ST3GAL3: variants seen among roughly 807,000 people sequenced by gnomAD.
ST3GAL3 encodes the protein ST3 beta-galactoside alpha-2,3-sialyltransferase 3.
A neutral mutation model predicts 50.1 loss-of-function variants in ST3GAL3; 21 were observed. The observed-to-expected ratio is 0.42, with a 90% CI of 0.30 to 0.60. The LOEUF is 0.60. Among genes scored for constraint, ST3GAL3 ranks in the 20% least tolerant of loss-of-function variants. The pLI is 0.19. For missense variants in ST3GAL3, 353 were observed against 489.4 expected (o/e 0.72, Z 2.63); for synonymous variants, 183 against 190.0 (o/e 0.96, Z 0.30).
chr1:43,863,148 G>T (rs2070432466), intron 5 of ST3GAL3, among the ~76,000 whole-genome samples: 1 of 152,212 alleles, frequency 6.6e-6, no homozygotes, highest in Non-Finnish European at 1.5e-5. Flanking sequence ...CTGTCTGGGG[G>T]AAGTAAATTG....
chr1:43,771,223 A>C (rs1046684469), intron 2 of ST3GAL3, among the ~76,000 whole-genome samples: 5 of 152,246 alleles, frequency 3.3e-5, no homozygotes, highest in South Asian at 2.1e-4. Context: ...TTTATATTCA[A>C]ATTGAGTGTC....
intron 3 of ST3GAL3, among the ~76,000 whole-genome samples, chr1:43,796,790 G>A (rs1005216593): frequency 3.9e-5 from 6 of 152,176 alleles, no homozygotes; most frequent in Non-Finnish European, 7.4e-5. Context: ...ACAGATGTTT[G>A]AATAATCTAA....
At chr1:43,897,721 G>A (rs538741473) in intron 6 of ST3GAL3, among the ~76,000 whole-genome samples, 1 of 152,292 alleles carries the variant, frequency 6.6e-6, no homozygotes, top group African/African-American at 2.4e-5. Context: ...AATGTGAGAG[G>A]GAGGAAGTGA....
At chr1:43,924,518 G>A (rs1389527999) in intron 11 of ST3GAL3, among the ~76,000 whole-genome samples, 1 of 152,228 alleles carries the variant, frequency 6.6e-6, no homozygotes, top group African/African-American at 2.4e-5. Flanking sequence ...TATTTAGAAG[G>A]CAGTGGGGAG....
intron 11 of ST3GAL3, among the ~76,000 whole-genome samples, chr1:43,926,879 G>A (rs1285128859): frequency 1.3e-5 from 2 of 152,108 alleles, no homozygotes; most frequent in African/African-American, 4.8e-5. Context: ...AGCATATTAC[G>A]AGTACAGAGG....
intron 2 of ST3GAL3, among the ~76,000 whole-genome samples, chr1:43,740,893 AAAGGGAGCGAGG>A (rs1164855660): frequency 3.3e-4 from 50 of 150,036 alleles, no homozygotes; most frequent in South Asian, 2.6e-3. Flanking sequence ...AGAGACAGAG[AAAGGGAGCGAGG>A]AAGGGAGGGA....
intron 3 of ST3GAL3, among the ~76,000 whole-genome samples, chr1:43,811,046 A>G (rs975357104): frequency 1.3e-5 from 2 of 152,206 alleles, no homozygotes. Flanking sequence ...GTCAAGGATC[A>G]TCACAGACAT....
intron 11 of ST3GAL3, among the ~76,000 whole-genome samples, chr1:43,923,278 A>T (rs1000345666): frequency 6.6e-6 from 1 of 151,850 alleles, no homozygotes; most frequent in Non-Finnish European, 1.5e-5. Context: ...AAAAAAAAAA[A>T]AAAGCACTAG....
chr1:43,885,721 A>T (rs1570666157), intron 5 of ST3GAL3, among the ~76,000 whole-genome samples: 1 of 152,134 alleles, frequency 6.6e-6, no homozygotes, highest in African/African-American at 2.4e-5. Context: ...CCCCACCCCG[A>T]CATTTCCTGT....
At chr1:43,848,294 C>CTTT (rs58438507) in intron 5 of ST3GAL3, among the ~76,000 whole-genome samples, 1,604 of 70,228 alleles carry the variant, frequency 0.023, 48 homozygotes, top group African/African-American at 0.043. Context: ...TTGTGGTTTT[C>CTTT]TTTTTTTTTT....
At chr1:43,722,488 A>G (rs533858587) in intron 1 of ST3GAL3, among the ~76,000 whole-genome samples, 19 of 152,304 alleles carry the variant, frequency 1.2e-4, no homozygotes, top group African/African-American at 4.6e-4. Context: ...GAGTGAAATA[A>G]TCCTATCACA....
intron 5 of ST3GAL3, among the ~76,000 whole-genome samples, chr1:43,891,410 A>G (rs1160600796): frequency 1.3e-5 from 2 of 152,208 alleles, no homozygotes; most frequent in Non-Finnish European, 2.9e-5. Context: ...TTGCTACTTA[A>G]AATACAAAAT....
chr1:43,857,030 ATCC>A (rs2068531185), intron 5 of ST3GAL3, among the ~76,000 whole-genome samples: 1 of 152,038 alleles, frequency 6.6e-6, no homozygotes, highest in African/African-American at 2.4e-5. Context: ...CTGGTTATAA[ATCC>A]ATCAGCTGTA....
chr1:43,771,476 G>A (rs766285072), intron 2 of ST3GAL3, among the ~76,000 whole-genome samples: 13 of 151,952 alleles, frequency 8.6e-5, no homozygotes, highest in Non-Finnish European at 1.6e-4. Flanking sequence ...TCCTGCCTCA[G>A]CCTCCGGAAT....
intron 5 of ST3GAL3, chr1:43,851,477 G>A: frequency 1.3e-6 from 2 of 1,599,554 alleles, no homozygotes; most frequent in Non-Finnish European, 1.7e-6. Context: ...CATGAGTAAA[G>A]TCAGTCCTGC....
At chr1:43,920,101 C>T (rs1202269707) in intron 9 of ST3GAL3, 6 of 438,816 alleles carry the variant, frequency 1.4e-5, no homozygotes, top group Non-Finnish European at 2.6e-5. Flanking sequence ...CAGGAGCCCC[C>T]TCAGGCCACA....
At chr1:43,891,173 G>A (rs773999794) in intron 5 of ST3GAL3, among the ~76,000 whole-genome samples, 9 of 152,182 alleles carry the variant, frequency 5.9e-5, no homozygotes, top group Non-Finnish European at 1.0e-4. Context: ...TTTCATACAA[G>A]AAAGCCAGGA....
intron 3 of ST3GAL3, among the ~76,000 whole-genome samples, chr1:43,794,707 A>C (rs976952044): frequency 6.6e-6 from 1 of 152,216 alleles, no homozygotes; most frequent in African/African-American, 2.4e-5. Context: ...TGACTATGCA[A>C]ATTGTATTAT....
intron 4 of ST3GAL3, 65 bp from the exon 5 acceptor site, chr1:43,838,154 A>G: frequency 1.0e-6 from 1 of 992,240 alleles, no homozygotes; most frequent in Non-Finnish European, 1.6e-6. Context: ...ACAGCTCCTT[A>G]TGAATTAATA....
Sources: allele counts gnomAD v4.1 joint callset (sites outside exome capture counted in the v4.1 genomes callset), GRCh38; gene constraint gnomAD v4.1.1; transcripts MANE v1.5; gene names NCBI Gene and HGNC (gene_info 2026-07-23, HGNC 2026-07-21).